The following CNTN5 variants were observed in gnomAD, a reference collection of about 807,000 sequenced individuals.
CNTN5 encodes the protein contactin 5.
In CNTN5, 77 loss-of-function variants were observed where a neutral mutation model predicts 129.1. That is an observed-to-expected ratio of 0.60 (90% confidence interval 0.50 to 0.72). The LOEUF is 0.72. Among genes scored for constraint, CNTN5 ranks in the 30% least tolerant of loss-of-function variants. The pLI is 0.00. For synonymous variants in CNTN5, 509 were observed against 465.6 expected (o/e 1.09, Z -1.20); for missense variants, 1,478 against 1,328.8 (o/e 1.11, Z -1.75).
At chr11:99,342,489 C>T (rs567918880) in intron 2 of CNTN5, among the ~76,000 whole-genome samples, 2 of 143,630 alleles carry the variant, frequency 1.4e-5, no homozygotes, top group African/African-American at 2.6e-5. Context: ...AATCCCAACA[C>T]TTTGGGAGGC....
intron 1 of CNTN5, among the ~76,000 whole-genome samples, chr11:99,199,095 C>A (rs1591347688): frequency 1.3e-5 from 2 of 152,076 alleles, no homozygotes; most frequent in African/African-American, 4.8e-5. Flanking sequence ...CAGAAAATAG[C>A]ATCTAAGGGC....
At chr11:100,219,285 C>T (rs1949211912) in intron 15 of CNTN5, among the ~76,000 whole-genome samples, 1 of 152,140 alleles carries the variant, frequency 6.6e-6, no homozygotes, top group South Asian at 2.1e-4. Flanking sequence ...AAATGAATAC[C>T]TTTTGTAATT....
At chr11:99,850,747 C>A (rs547125778) in intron 6 of CNTN5, among the ~76,000 whole-genome samples, 1 of 152,166 alleles carries the variant, frequency 6.6e-6, no homozygotes, top group South Asian at 2.1e-4. Context: ...AAATATTTCC[C>A]TGGTGGTCAG....
Position 99,949,174 on chromosome 11 carries a change from G to C in CNTN5, c.674-7632G>C, listed in dbSNP as rs115963855. 3.1e-3 allele frequency among the ~76,000 whole-genome samples: 477 copies of C among 152,176 alleles called. 3 individuals are homozygous for C. Among genetic ancestry groups the C allele is most frequent in the African/African-American group, 0.011 (461 of 41,508 alleles). ...AAATGTTGTCAAATCATATCTGAGAGTCCTCTTCACTGACTCTATTTCTAT... is the reference window on the plus strand; with the variant it reads ...AAATGTTGTCAAATCATATCTGAGACTCCTCTTCACTGACTCTATTTCTAT... On this transcript the variant is annotated intron_variant, in intron 7 of 24. Coordinates refer to ENST00000524871, the MANE Select transcript of CNTN5 (RefSeq NM_014361.4).
intron 1 of CNTN5, among the ~76,000 whole-genome samples, chr11:99,068,238 TCTC>T (rs1865185067): frequency 1.3e-5 from 2 of 152,138 alleles, no homozygotes; most frequent in East Asian, 1.9e-4. Flanking sequence ...AAGCTACAAA[TCTC>T]CTACAAGAAA....
chr11:99,387,737 C>G (rs1196724834), intron 2 of CNTN5, among the ~76,000 whole-genome samples: 1 of 152,154 alleles, frequency 6.6e-6, no homozygotes, highest in Non-Finnish European at 1.5e-5. Context: ...CCTTCCTGCT[C>G]TCCTCTCTTT....
intron 9 of CNTN5, among the ~76,000 whole-genome samples, chr11:100,058,547 G>A (rs1453388525): frequency 6.6e-6 from 1 of 151,942 alleles, no homozygotes; most frequent in Non-Finnish European, 1.5e-5. Flanking sequence ...TCATATAAAG[G>A]ATATTCCAAA....
At chr11:100,132,768 C>T (rs572315260) in intron 13 of CNTN5, among the ~76,000 whole-genome samples, 1 of 152,036 alleles carries the variant, frequency 6.6e-6, no homozygotes, top group South Asian at 2.1e-4. Flanking sequence ...ATGAATGCAC[C>T]AAAGGTTCTA....
intron 13 of CNTN5, among the ~76,000 whole-genome samples, chr11:100,136,510 T>C (rs974501512): frequency 4.2e-4 from 64 of 152,098 alleles, no homozygotes; most frequent in African/African-American, 1.4e-3. Context: ...ATTTTATGCT[T>C]ATGTTCTTTT....
intron 9 of CNTN5, among the ~76,000 whole-genome samples, chr11:100,049,138 T>G (rs1325867378): frequency 6.6e-6 from 1 of 152,158 alleles, no homozygotes; most frequent in Non-Finnish European, 1.5e-5. Flanking sequence ...GAAATGTTTT[T>G]TTAAAATATA....
At chr11:100,086,612 C>A (rs909308432) in intron 13 of CNTN5, among the ~76,000 whole-genome samples, 3 of 150,370 alleles carry the variant, frequency 2.0e-5, no homozygotes, top group Non-Finnish European at 4.5e-5. Context: ...TTCAGAAAAA[C>A]CAAATATATC....
intron 1 of CNTN5, among the ~76,000 whole-genome samples, chr11:99,039,418 G>A (rs1171190713): frequency 6.6e-6 from 1 of 152,062 alleles, no homozygotes; most frequent in Non-Finnish European, 1.5e-5. Flanking sequence ...CTGCGTAAAG[G>A]TTCCACATTC....
intron 6 of CNTN5, among the ~76,000 whole-genome samples, chr11:99,879,790 A>G (rs569052495): frequency 6.6e-6 from 1 of 152,312 alleles, no homozygotes; most frequent in East Asian, 1.9e-4. Flanking sequence ...ATATAAAAGA[A>G]AGAGATTAAG....
chr11:99,192,557 A>G (rs935492740), intron 1 of CNTN5, among the ~76,000 whole-genome samples: 1 of 151,954 alleles, frequency 6.6e-6, no homozygotes, highest in Non-Finnish European at 1.5e-5. Context: ...TAGAATTATA[A>G]TTTGTAATTA....
intron 3 of CNTN5, among the ~76,000 whole-genome samples, chr11:99,557,880 T>G (rs1213361200): frequency 1.3e-5 from 2 of 151,758 alleles, no homozygotes; most frequent in Non-Finnish European, 3.0e-5. Flanking sequence ...CTCATCTAAA[T>G]GCTTTTACAA....
At chr11:100,015,480 C>A (rs1940774322) in intron 9 of CNTN5, among the ~76,000 whole-genome samples, 1 of 152,046 alleles carries the variant, frequency 6.6e-6, no homozygotes, top group South Asian at 2.1e-4. Context: ...AATCTGGTGG[C>A]CTATAAGCAC....
chr11:100,335,587 G>A (rs1952019271), intron 21 of CNTN5, among the ~76,000 whole-genome samples: 1 of 152,094 alleles, frequency 6.6e-6, no homozygotes, highest in East Asian at 1.9e-4. Flanking sequence ...GGCCAACATG[G>A]TGAAACCTCG....
At chr11:100,113,275 A>C (rs76205374) in intron 13 of CNTN5, among the ~76,000 whole-genome samples, 2,949 of 151,956 alleles carry the variant, frequency 0.019, 94 homozygotes, top group African/African-American at 0.066. Flanking sequence ...TAATTAATTT[A>C]CATTTTAAGA....
At chr11:99,483,038 G>A (rs536760060) in intron 2 of CNTN5, among the ~76,000 whole-genome samples, 1 of 151,728 alleles carries the variant, frequency 6.6e-6, no homozygotes, top group South Asian at 2.1e-4. Flanking sequence ...GCTGGGCGTG[G>A]GGTGGCCCGT....
Sources: gnomAD v4.1 joint callset for allele counts (sites outside exome capture counted in the v4.1 genomes callset) on GRCh38, gnomAD v4.1.1 for gene constraint, MANE v1.5 for transcripts, NCBI Gene and HGNC (gene_info 2026-07-23, HGNC 2026-07-21) for gene names.